Variants in FBXL17 observed in about 807,000 individuals in gnomAD.
FBXL17 encodes the protein F-box and leucine rich repeat protein 17, also known as F-box/LRR-repeat protein 17.
Under a neutral mutation model 66.2 loss-of-function variants are expected in FBXL17, and 22 were observed. The ratio of observed to expected loss-of-function variants is 0.33; its 90% CI spans 0.24 to 0.47. The LOEUF is 0.47. Ranked by LOEUF, FBXL17 falls within the 20% of genes least tolerant of loss-of-function variation. The probability of loss-of-function intolerance (pLI) is 1.00; values close to 1 mark genes in which losing one functional copy is unlikely to be tolerated. For missense variants in FBXL17, 878 were observed against 948.2 expected (o/e 0.93, Z 0.97); for synonymous variants, 474 against 400.5 (o/e 1.18, Z -2.19).
chr5:107,881,201 A>C lies in FBXL17; in HGVS notation c.1823-22T>G, dbSNP rs774553364. 4 of 1,481,868 alleles carry C rather than the reference A, an allele frequency of 2.7e-6. No homozygotes were observed. The Middle Eastern group carries it at 7.0e-4, about 261-fold the overall frequency. The allele number at this position is 1,481,868 out of a possible 1,614,324, so 91.8% of individuals were successfully genotyped here. Reference sequence around the variant, plus strand: ...AGTGCTGCAAGAAGGGACGCAGAGAAAGCATTAATGTTAGCAGTGTAAGGG... The same window carrying C: ...AGTGCTGCAAGAAGGGACGCAGAGACAGCATTAATGTTAGCAGTGTAAGGG... On this transcript the variant is annotated intron_variant, in intron 7 of 8. Coordinates refer to ENST00000542267, the MANE Select transcript of FBXL17 (RefSeq NM_001163315.3).
intron 1 of FBXL17, among the ~76,000 whole-genome samples, chr5:108,376,836 G>A (rs1749460369): frequency 6.7e-6 from 1 of 148,764 alleles, no homozygotes; most frequent in Non-Finnish European, 1.5e-5. Context: ...TGCCAGGCTG[G>A]AGTGCAGCGG....
At chr5:107,983,374 A>G (rs1239622646) in intron 7 of FBXL17, among the ~76,000 whole-genome samples, 1 of 150,606 alleles carries the variant, frequency 6.6e-6, no homozygotes, top group Non-Finnish European at 1.5e-5. Context: ...TTTTTTTCTT[A>G]GTAGAGACAA....
intron 5 of FBXL17, among the ~76,000 whole-genome samples, chr5:108,219,785 T>C (rs996038046): frequency 3.3e-5 from 5 of 152,162 alleles, no homozygotes; most frequent in Non-Finnish European, 2.9e-5. Flanking sequence ...AGCTATAACA[T>C]TGGCAAGTTT....
rs116920421 is a variant in FBXL17 at position 108,379,416 on chromosome 5, C to T, written c.993+1283G>A. Among the ~76,000 whole-genome samples, 93 of 152,272 alleles carry T rather than the reference C, an allele frequency of 6.1e-4. No individual in the cohort carries two copies. In the East Asian group the frequency reaches 0.016, roughly 26 times the overall value. On this transcript the variant is annotated intron_variant, in intron 1 of 8. Coordinates refer to ENST00000542267, the MANE Select transcript of FBXL17 (RefSeq NM_001163315.3). Reference sequence around the variant, plus strand: ...GGCAATTACTCTTCCAACAAGTAGACCTCCATAAGAATTAGATCATTACAT... The same window carrying T: ...GGCAATTACTCTTCCAACAAGTAGATCTCCATAAGAATTAGATCATTACAT...
At chr5:108,044,366 G>A (rs974180588) in intron 6 of FBXL17, among the ~76,000 whole-genome samples, 1 of 152,066 alleles carries the variant, frequency 6.6e-6, no homozygotes, top group African/African-American at 2.4e-5. Context: ...GTCTGTTTCT[G>A]TCTTTCTGCA....
intron 6 of FBXL17, among the ~76,000 whole-genome samples, chr5:108,156,758 A>G (rs548970200): frequency 6.6e-6 from 1 of 152,074 alleles, no homozygotes; most frequent in East Asian, 1.9e-4. Context: ...TTAGTTTTAT[A>G]TATCAAATAA....
intron 7 of FBXL17, among the ~76,000 whole-genome samples, chr5:107,935,480 TA>T (rs1256566911): frequency 1.3e-5 from 2 of 151,832 alleles, no homozygotes; most frequent in Admixed American, 1.3e-4. Context: ...TAACGTCTTT[TA>T]AAAAAAGTAT....
chr5:107,909,764 G>GCTGA (rs751889128), intron 7 of FBXL17, among the ~76,000 whole-genome samples: 4 of 152,116 alleles, frequency 2.6e-5, no homozygotes, highest in Non-Finnish European at 4.4e-5. Flanking sequence ...GAGCAGAAGG[G>GCTGA]CTGAGCACAA....
intron 7 of FBXL17, among the ~76,000 whole-genome samples, chr5:107,911,545 G>A (rs1749948354): frequency 6.6e-6 from 1 of 152,008 alleles, no homozygotes. Flanking sequence ...AATCTATAAG[G>A]TAGATACTAT....
intron 6 of FBXL17, among the ~76,000 whole-genome samples, chr5:108,117,219 G>A (rs1750293685): frequency 1.3e-5 from 2 of 152,290 alleles, no homozygotes; most frequent in Admixed American, 1.3e-4. Context: ...TAAGTGCTCA[G>A]GAAGACTTGC....
At chr5:108,349,998 G>A (rs559504358) in intron 3 of FBXL17, among the ~76,000 whole-genome samples, 24 of 152,156 alleles carry the variant, frequency 1.6e-4, no homozygotes, top group Admixed American at 7.9e-4. Context: ...CAGATACCTT[G>A]AAATATTTTT....
At chr5:108,326,071 A>C (rs905651960) in intron 4 of FBXL17, among the ~76,000 whole-genome samples, 1 of 152,190 alleles carries the variant, frequency 6.6e-6, no homozygotes. Flanking sequence ...TAACAGAGAA[A>C]AACAACTGAT....
In FBXL17 at chr5:107,914,385, T is replaced by C. The variant is rs1289402906; in HGVS notation, c.1823-33206A>G. On this transcript the variant is annotated intron_variant, in intron 7 of 8. Coordinates refer to ENST00000542267, the MANE Select transcript of FBXL17 (RefSeq NM_001163315.3). The stretch of plus-strand genomic sequence containing the variant: ...AAAGGGGATGATGGGCAGGATAAAC[T>C]TTCCCCAACTCATTTCAGCTTAAGC... 2.0e-5 allele frequency among the ~76,000 whole-genome samples: 3 copies of C among 152,210 alleles called. No individual in the cohort carries two copies. The East Asian group carries it at 5.8e-4, about 29-fold the overall frequency.
At chr5:108,266,169 A>C (rs1757037757) in intron 4 of FBXL17, among the ~76,000 whole-genome samples, 1 of 152,156 alleles carries the variant, frequency 6.6e-6, no homozygotes, top group African/African-American at 2.4e-5. Flanking sequence ...ACTGTAAGTA[A>C]GGAGTAATTA....
intron 6 of FBXL17, among the ~76,000 whole-genome samples, chr5:108,085,010 G>T (rs936137680): frequency 6.6e-6 from 1 of 152,124 alleles, no homozygotes; most frequent in East Asian, 1.9e-4. Flanking sequence ...TTACATTTTT[G>T]AATTATCTAA....
intron 7 of FBXL17, among the ~76,000 whole-genome samples, chr5:107,986,617 C>A (rs1027500361): frequency 6.6e-6 from 1 of 151,620 alleles, no homozygotes; most frequent in Non-Finnish European, 1.5e-5. Context: ...TAAATCACAT[C>A]ACTTAAAATT....
At chr5:108,299,766 T>G in intron 4 of FBXL17, 1 of 984,764 alleles carries the variant, frequency 1.0e-6, no homozygotes, top group Non-Finnish European at 1.2e-6. Flanking sequence ...GCAGTGCATG[T>G]GAAATTCGGA....
At chr5:108,153,042 C>A (rs927566057) in intron 6 of FBXL17, among the ~76,000 whole-genome samples, 2 of 152,038 alleles carry the variant, frequency 1.3e-5, no homozygotes, top group Non-Finnish European at 2.9e-5. Flanking sequence ...GGGGAGTTAC[C>A]CTGCACATGC....
At chr5:108,368,125 A>C (rs1294731021) in intron 1 of FBXL17, among the ~76,000 whole-genome samples, 172 bp from the exon 2 acceptor site, 1 of 152,162 alleles carries the variant, frequency 6.6e-6, no homozygotes, top group East Asian at 1.9e-4. Flanking sequence ...ACTATGATAC[A>C]GGAGCTAAAA....
Sources: allele counts gnomAD v4.1 joint callset (sites outside exome capture counted in the v4.1 genomes callset), GRCh38; gene constraint gnomAD v4.1.1; transcripts MANE v1.5; gene names NCBI Gene and HGNC (gene_info 2026-07-23, HGNC 2026-07-21).